ZBTB7C: variants seen among roughly 807,000 people sequenced by gnomAD.
ZBTB7C encodes the protein zinc finger and BTB domain containing 7C, also known as zinc finger and BTB domain-containing protein 7C.
Under a neutral mutation model 25.7 loss-of-function variants are expected in ZBTB7C, and 8 were observed. That is an observed-to-expected ratio of 0.31 (90% CI 0.18 to 0.56). The LOEUF is 0.56. Among genes scored for constraint, ZBTB7C ranks in the 20% least tolerant of loss-of-function variants. The pLI is 0.91. For missense variants in ZBTB7C, 824 were observed against 855.2 expected, an observed-to-expected ratio of 0.96 and a Z score of 0.46; for synonymous variants, 394 against 369.0, an observed-to-expected ratio of 1.07 and a Z score of -0.78.
At chr18:48,123,494 G>C (rs1174253066) in intron 3 of ZBTB7C, among the ~76,000 whole-genome samples, 1 of 152,262 alleles carries the variant, frequency 6.6e-6, no homozygotes, top group East Asian at 1.9e-4. Flanking sequence ...AACTTGAAGA[G>C]GCCCTTTCAG....
chr18:48,052,705 T>C lies in ZBTB7C; in HGVS notation c.-16-11582A>G, dbSNP rs73953669. 8.1e-3 allele frequency among the ~76,000 whole-genome samples: 1,231 copies of C among 152,342 alleles called. 14 individuals are homozygous for C. Among genetic ancestry groups the C allele is most frequent in the African/African-American group, 0.028 (1,174 of 41,576 alleles). Reference sequence around the variant, plus strand: ...CCAAAACCCTCTGGGGGAGGAATTATAGTTAAAATCCTAGCTCTGCTCTGC... The same window carrying C: ...CCAAAACCCTCTGGGGGAGGAATTACAGTTAAAATCCTAGCTCTGCTCTGC... On this transcript the variant is annotated intron_variant, in intron 3 of 4. Coordinates refer to ENST00000590800, the MANE Select transcript of ZBTB7C (RefSeq NM_001318841.2).
At chr18:48,359,086 C>T (rs889018044) in intron 1 of ZBTB7C, among the ~76,000 whole-genome samples, 1 of 152,134 alleles carries the variant, frequency 6.6e-6, no homozygotes, top group African/African-American at 2.4e-5. Context: ...ATACTTCACT[C>T]ACAACTTACT....
At chr18:48,144,463 C>T (rs1242048435) in intron 3 of ZBTB7C, among the ~76,000 whole-genome samples, 2 of 152,068 alleles carry the variant, frequency 1.3e-5, no homozygotes, top group Non-Finnish European at 2.9e-5. Context: ...CCCACCTCAG[C>T]CTCCCAAGTA....
At chr18:48,412,212 T>G (rs554675185), upstream of ZBTB7C, among the ~76,000 whole-genome samples, 1 of 152,306 alleles carries the variant, frequency 6.6e-6, no homozygotes, top group Non-Finnish European at 1.5e-5. Flanking sequence ...CATTGTAAAT[T>G]GTCAATATTA....
intron 2 of ZBTB7C, among the ~76,000 whole-genome samples, chr18:48,258,853 T>G (rs1370058427): frequency 6.6e-6 from 1 of 152,168 alleles, no homozygotes; most frequent in African/African-American, 2.4e-5. Context: ...AGACGGGTTT[T>G]GCTATTTTGG....
chr18:48,138,592 G>A lies in ZBTB7C; in HGVS notation c.-17+47342C>T, dbSNP rs527555258. ...GAGAGAGAGGCTGGGCAGCCAGGATGTGGTGGGGAGAGGCTGCTAGGTCAG... is the reference window on the plus strand; with the variant it reads ...GAGAGAGAGGCTGGGCAGCCAGGATATGGTGGGGAGAGGCTGCTAGGTCAG... On this transcript the variant is annotated intron_variant, in intron 3 of 4. Transcript: ENST00000590800. 2.6e-5 allele frequency among the ~76,000 whole-genome samples: 4 copies of A among 152,162 alleles called. No homozygotes were observed. In the South Asian group the frequency reaches 8.3e-4, roughly 32 times the overall value.
At chr18:48,198,186 C>T (rs1016637495) in intron 2 of ZBTB7C, among the ~76,000 whole-genome samples, 1 of 152,168 alleles carries the variant, frequency 6.6e-6, no homozygotes, top group Non-Finnish European at 1.5e-5. Context: ...CCTTCCTAGA[C>T]AGTTCAGCAA....
intron 1 of ZBTB7C, among the ~76,000 whole-genome samples, chr18:48,401,191 C>G (rs1284982285): frequency 6.6e-6 from 1 of 152,140 alleles, no homozygotes; most frequent in Admixed American, 6.5e-5. Flanking sequence ...ATAGGGTAGT[C>G]GCTTGGGGAG....
At chr18:48,149,804 TC>T (rs368572220) in intron 3 of ZBTB7C, 32,068 of 118,860 alleles carry the variant, frequency 0.27, 4,468 homozygotes, top group Admixed American at 0.35. Context: ...TTCTTCTTCT[TC>T]TTTTTTTTTT....
At chr18:48,367,192 TATATATATATACACAC>T (rs1472730190) in intron 1 of ZBTB7C, among the ~76,000 whole-genome samples, 8 of 53,518 alleles carry the variant, frequency 1.5e-4, no homozygotes, top group Admixed American at 4.5e-4. Context: ...TATATATATA[TATATATATATACACAC>T]ACACACACAC....
At chr18:48,271,555 T>A (rs905175979) in intron 2 of ZBTB7C, among the ~76,000 whole-genome samples, 10 of 148,060 alleles carry the variant, frequency 6.8e-5, no homozygotes, top group African/African-American at 2.4e-4. Context: ...TTAAATATAT[T>A]ATATAATTAT....
At chr18:48,220,984 T>C (rs2145294389) in intron 2 of ZBTB7C, among the ~76,000 whole-genome samples, 1 of 152,078 alleles carries the variant, frequency 6.6e-6, no homozygotes, top group East Asian at 1.9e-4. Context: ...CCTAGTTTCC[T>C]CTATACTGTC....
At chr18:48,169,967 T>C (rs576429632) in intron 3 of ZBTB7C, 3 of 152,446 alleles carry the variant, frequency 2.0e-5, no homozygotes, top group African/African-American at 7.2e-5. Context: ...TCTCTGTGTT[T>C]CCCTGACTCC....
intron 2 of ZBTB7C, among the ~76,000 whole-genome samples, chr18:48,221,868 T>C (rs1340537806): frequency 1.3e-5 from 2 of 149,858 alleles, no homozygotes; most frequent in Non-Finnish European, 3.0e-5. Context: ...AGTCTCCCTC[T>C]ATACTGTCCT....
chr18:48,155,450 C>T (rs1480721018), intron 3 of ZBTB7C, among the ~76,000 whole-genome samples: 1 of 150,386 alleles, frequency 6.6e-6, no homozygotes, highest in Non-Finnish European at 1.5e-5. Context: ...GCCTCAGCCT[C>T]CCGAGTAGCT....
intron 3 of ZBTB7C, among the ~76,000 whole-genome samples, chr18:48,088,781 G>A (rs2038292187): frequency 6.6e-6 from 1 of 152,150 alleles, no homozygotes; most frequent in Non-Finnish European, 1.5e-5. Context: ...AGTGAGCAGA[G>A]ATTGCGCTAC....
intron 3 of ZBTB7C, among the ~76,000 whole-genome samples, chr18:48,096,833 C>A (rs1336695210): frequency 6.6e-6 from 1 of 152,152 alleles, no homozygotes; most frequent in Non-Finnish European, 1.5e-5. Context: ...TCTTTTTCAA[C>A]AGTTATCAAA....
intron 2 of ZBTB7C, among the ~76,000 whole-genome samples, chr18:48,290,982 C>T (rs2045213314): frequency 6.6e-6 from 1 of 152,220 alleles, no homozygotes; most frequent in South Asian, 2.1e-4. Context: ...ATGAGAGGCT[C>T]CTCAAGTCAT....
Position 48,203,850 on chromosome 18 carries a change from C to T in ZBTB7C, c.-78-17855G>A, listed in dbSNP as rs10460039. Among the ~76,000 whole-genome samples, 177 of 152,302 alleles carry T rather than the reference C, an allele frequency of 1.2e-3. 1 individual carries two copies. In the East Asian group the frequency reaches 0.029, roughly 25 times the overall value. ...GAAGTGCAAGGTGCAGGCAGCCCCC[C>T]ACCCCACCAAATAGTCTTTGCAGTA... is the stretch of plus-strand genomic sequence containing the variant. On this transcript the variant is annotated intron_variant, in intron 2 of 4. Coordinates refer to ENST00000590800, the MANE Select transcript of ZBTB7C (RefSeq NM_001318841.2).
Sources: allele counts gnomAD v4.1 joint callset (sites outside exome capture counted in the v4.1 genomes callset), GRCh38; gene constraint gnomAD v4.1.1; transcripts MANE v1.5; gene names NCBI Gene and HGNC (gene_info 2026-07-23, HGNC 2026-07-21).